GPC4: variants seen among roughly 807,000 people sequenced by gnomAD.
GPC4 encodes the protein glypican-4.
A neutral mutation model predicts 35.0 loss-of-function variants in GPC4; 10 were observed. The observed-to-expected ratio is 0.29, with a 90% CI of 0.18 to 0.48. The LOEUF (loss-of-function observed/expected upper bound fraction) is 0.48. GPC4 is among the 20% of genes least tolerant of loss of function. The probability of loss-of-function intolerance (pLI) is 0.99; values close to 1 mark genes in which losing one functional copy is unlikely to be tolerated. For missense variants in GPC4, 322 were observed against 451.3 expected, an observed-to-expected ratio of 0.71 and a Z score of 2.60; for synonymous variants, 167 against 170.2, an observed-to-expected ratio of 0.98 and a Z score of 0.15.
At chrX:133,386,746 G>GACT (rs2068692720) in intron 1 of GPC4, among the ~76,000 whole-genome samples, 1 of 111,790 alleles carries the variant, frequency 8.9e-6, no homozygotes, top group South Asian at 3.8e-4. Flanking sequence ...TGAGTACAAA[G>GACT]ACTACTACCC....
chrX:133,372,856 T>C (rs1395401924), intron 1 of GPC4, among the ~76,000 whole-genome samples: 2 of 112,303 alleles, frequency 1.8e-5, no homozygotes, highest in African/African-American at 6.5e-5. Flanking sequence ...TTTTGAGTTT[T>C]TGCTGATACC....
rs902656513 is a variant in GPC4, at chrX:133,329,347, A to T, written c.320-4811T>A. ...AGTTTCTTTGTATCTACAATCCTTT[A>T]AAAAAAATCTTTAAAGACTGGTTTT... On this transcript the variant is annotated intron_variant, in intron 2 of 8. Coordinates refer to ENST00000370828, the MANE Select transcript of GPC4 (RefSeq NM_001448.3). 6.2e-5 allele frequency among the ~76,000 whole-genome samples: 7 copies of T among 112,088 alleles called. No individual in the cohort carries two copies. In the South Asian group the frequency reaches 1.1e-3, roughly 18 times the overall value.
chrX:133,403,880 C>A (rs1476927294), intron 1 of GPC4, among the ~76,000 whole-genome samples: 4 of 109,731 alleles, frequency 3.6e-5, no homozygotes, highest in African/African-American at 1.3e-4. Flanking sequence ...TGTTTTTAGT[C>A]GAGAAGGGGT....
At position 133,311,401 on chromosome X, in the gene GPC4, G is replaced by C. The variant is rs780257736; in HGVS notation, c.734C>G (p.Thr245Ser). ...VSVVNPTAQCTHALLKMIYCS... is the reference protein window; with the variant it reads ...VSVVNPTAQCSHALLKMIYCS... ...GTAGATCATCTTCAACAGGGCATGG[G>C]TACACTGGGCTGTGGGGTTTACCTA... The change falls in exon 4 of 9, where the codon ACC (threonine) becomes AGC (serine). Residue 245 changes from threonine (T) to serine (S), a missense_variant. This residue lies in a region of GPC4 where 163 missense variants were observed against 277.2 expected (regional missense o/e 0.59). Transcript: ENST00000370828. 3 of 1,209,424 alleles carry C rather than the reference G, an allele frequency of 2.5e-6. No homozygotes were observed. In the East Asian group the frequency reaches 8.9e-5, roughly 36 times the overall value.
chrX:133,351,282 C>CAT (rs1468375065), intron 1 of GPC4, among the ~76,000 whole-genome samples: 1 of 111,270 alleles, frequency 9.0e-6, no homozygotes, highest in Non-Finnish European at 1.9e-5. Context: ...CAAAGTCAAT[C>CAT]ATAATATTTG....
intron 1 of GPC4, among the ~76,000 whole-genome samples, chrX:133,402,690 G>C (rs2068771142): frequency 9.0e-6 from 1 of 111,262 alleles, no homozygotes; most frequent in South Asian, 3.8e-4. Flanking sequence ...GATCACCTGA[G>C]GTCAGGGGTT....
chrX:133,362,398 C>G (rs2068573205), intron 1 of GPC4, among the ~76,000 whole-genome samples: 1 of 111,216 alleles, frequency 9.0e-6, no homozygotes. Context: ...TACAAATGTT[C>G]TACATTTGAA....
intron 3 of GPC4, among the ~76,000 whole-genome samples, chrX:133,323,488 C>CA (rs969394989): frequency 5.5e-5 from 6 of 109,405 alleles, no homozygotes; most frequent in Non-Finnish European, 7.6e-5. Context: ...CCCCACCTCC[C>CA]AAAAAAAAAG....
At chrX:133,324,567 A>C in intron 2 of GPC4, 31 bp from the exon 3 acceptor site, 2 of 1,067,377 alleles carry the variant, frequency 1.9e-6, no homozygotes, top group Non-Finnish European at 2.5e-6. Flanking sequence ...AAAAAAAAAA[A>C]AAGGAAAAAC....
At chrX:133,303,547 T>C (rs2068277410) in intron 7 of GPC4, among the ~76,000 whole-genome samples, 1 of 111,829 alleles carries the variant, frequency 8.9e-6, no homozygotes, top group Admixed American at 9.6e-5. Context: ...TCTTTCTTGT[T>C]CCTGTGGATT....
intron 7 of GPC4, among the ~76,000 whole-genome samples, chrX:133,304,247 C>A (rs754317871): frequency 9.0e-6 from 1 of 110,784 alleles, no homozygotes; most frequent in Admixed American, 9.6e-5. Context: ...TTGCAGTGAG[C>A]CGAGATTGTG....
intron 4 of GPC4, among the ~76,000 whole-genome samples, chrX:133,309,636 T>C (rs2068305968): frequency 8.9e-6 from 1 of 112,652 alleles, no homozygotes; most frequent in Non-Finnish European, 1.9e-5. Flanking sequence ...TTGTACCATA[T>C]GGCAAATTCT....
intron 1 of GPC4, 160 bp downstream of exon 1, chrX:133,414,646 T>A (rs1210387592): frequency 2.7e-6 from 2 of 752,724 alleles, no homozygotes; most frequent in Non-Finnish European, 3.1e-6. Context: ...CCGGGCTGCC[T>A]GGCTCTCTCG....
At chrX:133,347,265 T>TTG (rs2068497224) in intron 1 of GPC4, among the ~76,000 whole-genome samples, 3 of 94,246 alleles carry the variant, frequency 3.2e-5, no homozygotes, top group African/African-American at 1.2e-4. Context: ...TTTTTTTTTT[T>TTG]TTTTTTTTTT....
chrX:133,408,631 G>C (rs893434592), intron 1 of GPC4, among the ~76,000 whole-genome samples: 1 of 111,579 alleles, frequency 9.0e-6, no homozygotes, highest in East Asian at 2.8e-4. Flanking sequence ...CTACTCTGGA[G>C]GCTGAGGCAG....
chrX:133,409,845 A>G (rs2068805643), intron 1 of GPC4, among the ~76,000 whole-genome samples: 1 of 111,464 alleles, frequency 9.0e-6, no homozygotes, highest in South Asian at 3.8e-4. Context: ...GGGATTTAGG[A>G]GGGGGGGACA....
chrX:133,371,331 A>T (rs2068611524), intron 1 of GPC4, among the ~76,000 whole-genome samples: 1 of 112,598 alleles, frequency 8.9e-6, no homozygotes, highest in Admixed American at 9.4e-5. Context: ...ATAAAACTAT[A>T]AATCGCTAAG....
chrX:133,381,079 G>A (rs1202516360), intron 1 of GPC4, among the ~76,000 whole-genome samples: 1 of 111,299 alleles, frequency 9.0e-6, no homozygotes, highest in African/African-American at 3.3e-5. Flanking sequence ...GCCCTCCTAA[G>A]CAGCACAAGA....
At chrX:133,395,633 A>T (rs1246506202) in intron 1 of GPC4, among the ~76,000 whole-genome samples, 2 of 111,807 alleles carry the variant, frequency 1.8e-5, no homozygotes, top group Non-Finnish European at 3.8e-5. Context: ...CAAAAATAAA[A>T]AAATGAAATT....
Sources: gnomAD v4.1 joint callset for allele counts (sites outside exome capture counted in the v4.1 genomes callset) on GRCh38, gnomAD v4.1.1 for gene constraint, gnomAD v4.1.1 regional missense constraint, MANE v1.5 for transcripts, NCBI Gene and HGNC (gene_info 2026-07-23, HGNC 2026-07-21) for gene names.